Variants in ADRA1A observed in about 807,000 individuals in gnomAD.
The protein encoded by ADRA1A is adrenoceptor alpha 1A, also known as alpha-1A adrenergic receptor.
In ADRA1A, 31 loss-of-function variants were observed where a neutral mutation model predicts 29.6. That is an observed-to-expected ratio of 1.05 (90% CI 0.79 to 1.41). The LOEUF (loss-of-function observed/expected upper bound fraction) is 1.41, where lower values mean the gene tolerates loss of function less well. ADRA1A is among the 40% of genes most tolerant of loss of function. The pLI is 0.00. For missense variants in ADRA1A, 619 were observed against 601.1 expected (o/e 1.03, Z -0.31); for synonymous variants, 311 against 254.3 (o/e 1.22, Z -2.12).
intron 2 of ADRA1A, among the ~76,000 whole-genome samples, chr8:26,843,867 A>T (rs1715108403): frequency 6.6e-6 from 1 of 152,242 alleles, no homozygotes. Flanking sequence ...CTGCAGAGAC[A>T]CAGTGGTAAA....
chr8:26,757,527 C>A (rs1171411942), intron 2 of ADRA1A, among the ~76,000 whole-genome samples: 1 of 151,666 alleles, frequency 6.6e-6, no homozygotes, highest in Non-Finnish European at 1.5e-5. Context: ...CACCCCCCAC[C>A]TCTGCTCCAT....
At chr8:26,798,476 G>C (rs548700775) in intron 2 of ADRA1A, among the ~76,000 whole-genome samples, 2 of 152,156 alleles carry the variant, frequency 1.3e-5, no homozygotes, top group African/African-American at 2.4e-5. Context: ...AACTGTGTCA[G>C]CTCTCACCTA....
intron 2 of ADRA1A, among the ~76,000 whole-genome samples, chr8:26,819,750 C>T (rs1336287993): frequency 6.6e-6 from 1 of 152,110 alleles, no homozygotes; most frequent in Admixed American, 6.5e-5. Flanking sequence ...TAGTAAGTAG[C>T]TATCTATCAA....
At chr8:26,797,628 AT>A (rs1460653045) in intron 2 of ADRA1A, among the ~76,000 whole-genome samples, 2 of 151,756 alleles carry the variant, frequency 1.3e-5, no homozygotes, top group African/African-American at 4.9e-5. Flanking sequence ...AAATTAATAT[AT>A]TTTTTAAATT....
chr8:26,812,568 T>C (rs1040967640), intron 2 of ADRA1A, among the ~76,000 whole-genome samples: 2 of 151,996 alleles, frequency 1.3e-5, no homozygotes, highest in Admixed American at 1.3e-4. Context: ...AAATCATAAA[T>C]GAGCATCTTT....
At chr8:26,846,791 T>A (rs1812235029) in intron 2 of ADRA1A, among the ~76,000 whole-genome samples, 1 of 151,980 alleles carries the variant, frequency 6.6e-6, no homozygotes, top group South Asian at 2.1e-4. Flanking sequence ...CAAAAATTAT[T>A]CACAATAGCA....
At chr8:26,794,667 G>T (rs1170388668) in intron 2 of ADRA1A, among the ~76,000 whole-genome samples, 1 of 152,070 alleles carries the variant, frequency 6.6e-6, no homozygotes, top group Admixed American at 6.6e-5. Flanking sequence ...TGAAAAAATT[G>T]TATTTAATTC....
chr8:26,857,533 T>C (rs1470545890), intron 2 of ADRA1A, among the ~76,000 whole-genome samples: 2 of 152,086 alleles, frequency 1.3e-5, no homozygotes, highest in African/African-American at 4.8e-5. Context: ...TAGCCAGGCA[T>C]GGTGGTGCAT....
At chr8:26,761,693 C>T (rs1025107984), downstream of ADRA1A, among the ~76,000 whole-genome samples, 7 of 152,206 alleles carry the variant, frequency 4.6e-5, no homozygotes, top group African/African-American at 1.7e-4. Context: ...GAAGCCACCC[C>T]ATTTGTTATG....
At chr8:26,785,614 T>TA (rs967407669) in intron 2 of ADRA1A, among the ~76,000 whole-genome samples, 5 of 152,046 alleles carry the variant, frequency 3.3e-5, no homozygotes, top group Admixed American at 1.3e-4. Flanking sequence ...AACCCTACTC[T>TA]AAAAAAACAT....
intron 2 of ADRA1A, among the ~76,000 whole-genome samples, chr8:26,773,199 T>C (rs1236689389): frequency 1.3e-5 from 2 of 152,214 alleles, no homozygotes; most frequent in Non-Finnish European, 2.9e-5. Context: ...CCCATGCTCC[T>C]TTGTGGAATC....
At chr8:26,850,881 A>G (rs951937764) in intron 2 of ADRA1A, among the ~76,000 whole-genome samples, 2 of 152,210 alleles carry the variant, frequency 1.3e-5, no homozygotes, top group African/African-American at 4.8e-5. Flanking sequence ...TGGGCCATAC[A>G]GTCTCTGTAG....
intron 2 of ADRA1A, chr8:26,757,225 G>A (rs1374930599): frequency 1.4e-6 from 1 of 690,564 alleles, no homozygotes; most frequent in Non-Finnish European, 2.6e-6. Context: ...TTGAGATTCT[G>A]AGTCACGAGA....
At chr8:26,847,077 G>A (rs969722760) in intron 2 of ADRA1A, among the ~76,000 whole-genome samples, 3 of 152,078 alleles carry the variant, frequency 2.0e-5, no homozygotes, top group Admixed American at 2.0e-4. Context: ...CGTGGGGTGG[G>A]GGGAACAGGG....
At chr8:26,757,356 C>T (rs1563228862) in intron 2 of ADRA1A, among the ~76,000 whole-genome samples, 1 of 152,136 alleles carries the variant, frequency 6.6e-6, no homozygotes, top group South Asian at 2.1e-4. Flanking sequence ...CCCTGTGAAG[C>T]CACCTGCCTA....
intron 2 of ADRA1A, among the ~76,000 whole-genome samples, chr8:26,853,423 A>G (rs1010588698): frequency 6.6e-6 from 1 of 152,244 alleles, no homozygotes; most frequent in Non-Finnish European, 1.5e-5. Flanking sequence ...AATAGACAAA[A>G]TAATTTTGAA....
chr8:26,816,593 CAT>C (rs1809784431), intron 2 of ADRA1A, among the ~76,000 whole-genome samples: 1 of 151,608 alleles, frequency 6.6e-6, no homozygotes, highest in East Asian at 1.9e-4. Flanking sequence ...TGCACACGCT[CAT>C]GTGCACACGC....
At chr8:26,863,852 T>C (rs749922781) in intron 2 of ADRA1A, among the ~76,000 whole-genome samples, 4 of 152,194 alleles carry the variant, frequency 2.6e-5, no homozygotes, top group Non-Finnish European at 5.9e-5. Flanking sequence ...TCTGCATCAG[T>C]TGGAAGCCAC....
intron 2 of ADRA1A, among the ~76,000 whole-genome samples, chr8:26,853,452 C>T (rs905123312): frequency 6.6e-6 from 1 of 152,056 alleles, no homozygotes; most frequent in African/African-American, 2.4e-5. Context: ...TTCATCCAGG[C>T]CTTAACCTAG....
Sources: allele counts gnomAD v4.1 joint callset (sites outside exome capture counted in the v4.1 genomes callset), GRCh38; gene constraint gnomAD v4.1.1; transcripts MANE v1.5; gene names NCBI Gene and HGNC (gene_info 2026-07-23, HGNC 2026-07-21).